Variants in METTL22 observed in about 807,000 individuals in gnomAD.
METTL22 encodes the protein methyltransferase 22, Kin17 lysine, also known as methyltransferase-like protein 22.
In METTL22, 51 loss-of-function variants were observed where a neutral mutation model predicts 48.4. The observed-to-expected ratio is 1.05, with a 90% CI of 0.84 to 1.33. METTL22 has a LOEUF of 1.33. Ranked by LOEUF, METTL22 falls within the 40% of genes most tolerant of loss-of-function variation. The pLI, the probability that METTL22 is intolerant of heterozygous loss-of-function variation, is 0.00. For missense variants in METTL22, 678 were observed against 526.9 expected (o/e 1.29, Z -2.81); for synonymous variants, 255 against 214.1 (o/e 1.19, Z -1.67).
Position 8,635,172 on chromosome 16 carries a change from G to C in METTL22, c.560G>C (p.Trp187Ser). The C allele has an allele frequency of 6.2e-7, 1 of 1,611,794 alleles. No homozygotes were observed. The highest frequency in any genetic ancestry group is 8.5e-7 in the Non-Finnish European group (1 of 1,178,706). ...TCCTTGTCCTCTTCCCTCCAGGTGT[G>C]GCGGGGCGCCCTGCTCCTGGCAGAC... Reference protein sequence around the residue: ...TPLEDVGKQVWRGALLLADYI... With the variant: ...TPLEDVGKQVSRGALLLADYI... Residue 187 changes from tryptophan to serine, a missense_variant, in exon 5 of 11, where the codon TGG becomes TCG. Physicochemically the swap from Trp to Ser is radical, Grantham distance 177. Coordinates refer to ENST00000381920, the MANE Select transcript of METTL22 (RefSeq NM_024109.4).
chr16:8,641,411 G>C lies in METTL22; in HGVS notation c.826+227G>C. 5 of 636,290 alleles carry C rather than the reference G, an allele frequency of 7.9e-6. No homozygotes were observed. In the East Asian group the frequency reaches 1.6e-4, roughly 20 times the overall value. The allele number at this position is 636,290 out of a possible 1,614,324, so 39.4% of individuals were successfully genotyped here. A position where few individuals can be genotyped will look rare whatever the true frequency, so the allele number is the denominator to read the frequency against. ...TTCATTTTCTTCTCCAGGTGTTGTG[G>C]TTTCCCTGTGTGGTAGCATGATAAT... On this transcript the variant is annotated intron_variant, in intron 7 of 10. Coordinates refer to ENST00000381920, the MANE Select transcript of METTL22 (RefSeq NM_024109.4).
intron 5 of METTL22, among the ~76,000 whole-genome samples, chr16:8,635,842 C>G (rs142600554): frequency 6.6e-6 from 1 of 152,348 alleles, no homozygotes; most frequent in African/African-American, 2.4e-5. Context: ...ATGGAGCTGA[C>G]TAGGCACTGC....
chr16:8,635,033 A>G lies in METTL22; in HGVS notation c.515-6A>G, dbSNP rs754056572. ...GGGCATTTCTCTTGGTTTCTGTCCCATCCAGAGCACACCATGGCCACGCCC... is the reference window on the plus strand; with the variant it reads ...GGGCATTTCTCTTGGTTTCTGTCCCGTCCAGAGCACACCATGGCCACGCCC... On this transcript the variant is annotated splice_polypyrimidine_tract_variant and splice_region_variant and intron_variant, in intron 3 of 10. Transcript: ENST00000381920. The G allele has an allele frequency of 1.2e-6, 2 of 1,613,368 alleles. No individual in the cohort carries two copies. The highest frequency in any genetic ancestry group is 1.7e-6 in the Non-Finnish European group (2 of 1,180,032).
intron 6 of METTL22, among the ~76,000 whole-genome samples, chr16:8,640,678 A>T (rs1196991193): frequency 3.1e-5 from 1 of 32,254 alleles, no homozygotes; most frequent in East Asian, 1.4e-3. Context: ...GGGTGGGTGG[A>T]TGGATGGATG....
chr16:8,660,349 T>A, the METTL22 span, among the ~76,000 whole-genome samples: 6 of 150,544 alleles, frequency 4.0e-5, no homozygotes, highest in Non-Finnish European at 8.9e-5. Flanking sequence ...AATTTTTGTA[T>A]TTTTTTTTAG....
chr16:8,649,863 C>G (rs2056868452), downstream of METTL22, among the ~76,000 whole-genome samples: 1 of 151,982 alleles, frequency 6.6e-6, no homozygotes, highest in Admixed American at 6.6e-5. Flanking sequence ...GCTTCTCAAA[C>G]TAGTATGCAC....
rs376800413 is a variant in METTL22 at position 8,644,584 on chromosome 16, C to T, written c.1038C>T (p.Asp346=). ...KRLNFTLRHL[D]VTCEAYDHFR... is the part of the protein sequence containing the mutation. ...TCAACTTCACATTGAGACACTTGGA[C>T]GTCACATGTGAAGCCTACGATCACT... is the stretch of plus-strand genomic sequence containing the variant. Residue 346 remains aspartate (D), a synonymous_variant, in exon 10 of 11, where the codon GAC becomes GAT. Transcript: ENST00000381920. 24 of 1,579,990 alleles carry T rather than the reference C, an allele frequency of 1.5e-5. No individual in the cohort carries two copies. The highest frequency in any genetic ancestry group is 7.1e-5 in the East Asian group (3 of 42,498).
the METTL22 span, among the ~76,000 whole-genome samples, chr16:8,658,754 A>C: frequency 2.0e-5 from 3 of 152,166 alleles, no homozygotes; most frequent in Non-Finnish European, 2.9e-5. Context: ...ACCAGAGTGC[A>C]CGTCAAGGCT....
chr16:8,663,709 C>A, the METTL22 span, among the ~76,000 whole-genome samples: 3 of 152,214 alleles, frequency 2.0e-5, no homozygotes, highest in African/African-American at 7.2e-5. Context: ...ACAGATGAAG[C>A]AACTGAGGCT....
At chr16:8,640,520 G>A (rs1362544735) in intron 6 of METTL22, among the ~76,000 whole-genome samples, 1 of 8,752 alleles carries the variant, frequency 1.1e-4, no homozygotes, top group African/African-American at 2.5e-4. Context: ...ACAGAAAATG[G>A]ATGATGGATG....
chr16:8,643,067 C>T (rs966361502), intron 9 of METTL22: 5 of 169,262 alleles, frequency 3.0e-5, no homozygotes, highest in African/African-American at 1.2e-4. Flanking sequence ...GAGTGCCCAC[C>T]TTGTGATAGC....
chr16:8,624,839 A>G (rs1166103512), intron 1 of METTL22, among the ~76,000 whole-genome samples: 2 of 152,226 alleles, frequency 1.3e-5, no homozygotes, highest in Admixed American at 1.3e-4. Context: ...AGCCTGGGCA[A>G]CAGAGCAAGC....
chr16:8,626,115 G>T (rs2056041637), intron 2 of METTL22, among the ~76,000 whole-genome samples: 1 of 152,094 alleles, frequency 6.6e-6, no homozygotes, highest in Non-Finnish European at 1.5e-5. Flanking sequence ...TCCTTCCCCT[G>T]CCTCCAGAGT....
downstream of METTL22, among the ~76,000 whole-genome samples, chr16:8,651,404 C>T: frequency 6.1e-5 from 2 of 32,702 alleles, no homozygotes; most frequent in Middle Eastern, 0.02. Context: ...AAAAAAAAAA[C>T]ATACTAAATG....
intron 2 of METTL22, among the ~76,000 whole-genome samples, chr16:8,627,514 G>T (rs1444892408): frequency 6.6e-6 from 1 of 152,088 alleles, no homozygotes; most frequent in Non-Finnish European, 1.5e-5. Context: ...AGCTTGTTAT[G>T]GTGTGATTAT....
intron 5 of METTL22, among the ~76,000 whole-genome samples, chr16:8,637,473 C>G (rs2056458070): frequency 6.6e-6 from 1 of 152,226 alleles, no homozygotes; most frequent in Non-Finnish European, 1.5e-5. Flanking sequence ...ATGCCATGTT[C>G]CAGTTGGAAA....
At chr16:8,663,134 A>T in the METTL22 span, among the ~76,000 whole-genome samples, 1 of 146,970 alleles carries the variant, frequency 6.8e-6, no homozygotes, top group Admixed American at 7.0e-5. Flanking sequence ...TGAACCCGGG[A>T]GGCAGAGGTT....
intron 10 of METTL22, 30 bp downstream of exon 10, chr16:8,644,755 G>T: frequency 6.6e-7 from 1 of 1,525,024 alleles, no homozygotes; most frequent in Middle Eastern, 2.2e-4. Flanking sequence ...CAGGGCCGTT[G>T]GTTGCTTTAC....
At chr16:8,660,209 C>T in the METTL22 span, among the ~76,000 whole-genome samples, 2 of 151,856 alleles carry the variant, frequency 1.3e-5, no homozygotes, top group East Asian at 1.9e-4. Flanking sequence ...TGGAGTCTCA[C>T]TCTGTTGCCC....
Sources: allele counts gnomAD v4.1 joint callset (sites outside exome capture counted in the v4.1 genomes callset), GRCh38; gene constraint gnomAD v4.1.1; transcripts MANE v1.5; gene names NCBI Gene and HGNC (gene_info 2026-07-23, HGNC 2026-07-21).